Variants in THAP4 observed in about 807,000 individuals in gnomAD.
THAP4 encodes peroxynitrite isomerase THAP4.
THAP4 carries 18 observed loss-of-function variants against 48.1 expected under a neutral mutation model. That is an observed-to-expected ratio of 0.37 (90% CI 0.26 to 0.56). THAP4 has a LOEUF of 0.56. Ranked by LOEUF, THAP4 falls within the 20% of genes least tolerant of loss-of-function variation. The probability of loss-of-function intolerance (pLI) is 0.78; values close to 1 mark genes in which losing one functional copy is unlikely to be tolerated. For missense variants in THAP4, 656 were observed against 774.9 expected, an observed-to-expected ratio of 0.85 and a Z score of 1.82; for synonymous variants, 345 against 324.9, an observed-to-expected ratio of 1.06 and a Z score of -0.66.
At chr2:241,593,160 G>A (rs905859086) in intron 5 of THAP4, among the ~76,000 whole-genome samples, 6 of 152,058 alleles carry the variant, frequency 3.9e-5, no homozygotes, top group African/African-American at 1.2e-4. Flanking sequence ...TGGGAGAATC[G>A]CTTGAGCCCA....
At chr2:241,596,520 A>G (rs570056650) in intron 5 of THAP4, among the ~76,000 whole-genome samples, 730 of 13,346 alleles carry the variant, frequency 0.055, 94 homozygotes, top group South Asian at 0.11. Flanking sequence ...AAAAAAAAAA[A>G]AAAAGGCCGG....
chr2:241,623,096 A>G (rs1395529299), intron 2 of THAP4, among the ~76,000 whole-genome samples: 1 of 152,084 alleles, frequency 6.6e-6, no homozygotes, highest in East Asian at 1.9e-4. Flanking sequence ...CATGCCTGTA[A>G]TCCCAGCTAC....
At chr2:241,600,792 T>G (rs947124382) in intron 5 of THAP4, among the ~76,000 whole-genome samples, 11 of 150,790 alleles carry the variant, frequency 7.3e-5, no homozygotes, top group Admixed American at 2.0e-4. Context: ...GGACAACAAC[T>G]TCCTTAGCAA....
intron 2 of THAP4, among the ~76,000 whole-genome samples, chr2:241,628,784 C>G (rs1295605012): frequency 2.7e-5 from 4 of 146,316 alleles, no homozygotes; most frequent in Non-Finnish European, 6.0e-5. Context: ...AAAAAACACA[C>G]AAAAAATTAG....
At chr2:241,594,132 C>CT (rs1340492961) in intron 5 of THAP4, among the ~76,000 whole-genome samples, 1 of 152,198 alleles carries the variant, frequency 6.6e-6, no homozygotes, top group Non-Finnish European at 1.5e-5. Flanking sequence ...TGGATACACT[C>CT]TGGAAACCTT....
chr2:241,637,392 C>T (rs1454077078), upstream of THAP4: 3 of 1,424,270 alleles, frequency 2.1e-6, no homozygotes, highest in Admixed American at 2.2e-5. Context: ...GGGGACAGAG[C>T]TCGCCTCTGC....
chr2:241,621,374 A>G (rs1225698422), intron 2 of THAP4, among the ~76,000 whole-genome samples: 3 of 152,188 alleles, frequency 2.0e-5, no homozygotes, highest in Admixed American at 2.0e-4. Flanking sequence ...TAATAAAATC[A>G]GTACAATTAA....
At chr2:241,594,982 C>A (rs1361755257) in intron 5 of THAP4, among the ~76,000 whole-genome samples, 3 of 152,134 alleles carry the variant, frequency 2.0e-5, no homozygotes, top group Non-Finnish European at 2.9e-5. Context: ...CAGAATTGCA[C>A]ACTGTGAGCG....
chr2:241,636,107 G>A (rs1460654226), intron 1 of THAP4, among the ~76,000 whole-genome samples: 1 of 152,228 alleles, frequency 6.6e-6, no homozygotes, highest in Admixed American at 6.5e-5. Context: ...TGCGCTGGCT[G>A]ACTTGTGAAA....
chr2:241,605,523 C>A (rs533584505), intron 3 of THAP4, among the ~76,000 whole-genome samples: 1 of 152,168 alleles, frequency 6.6e-6, no homozygotes, highest in Non-Finnish European at 1.5e-5. Flanking sequence ...TCCCTAAAAG[C>A]AGGCAATTTC....
At chr2:241,607,181 A>T (rs973646757) in intron 2 of THAP4, among the ~76,000 whole-genome samples, 8 of 152,046 alleles carry the variant, frequency 5.3e-5, no homozygotes, top group Admixed American at 3.3e-4. Flanking sequence ...AGTGTGAAGG[A>T]TGACACCACA....
chr2:241,628,925 C>CAAAAA (rs34034619), intron 2 of THAP4, among the ~76,000 whole-genome samples: 4 of 64,350 alleles, frequency 6.2e-5, no homozygotes, highest in African/African-American at 1.2e-4. Context: ...GAGATTGTCT[C>CAAAAA]AAAAAAAAAA....
At chr2:241,613,432 A>G (rs924012021) in intron 2 of THAP4, among the ~76,000 whole-genome samples, 13 of 152,214 alleles carry the variant, frequency 8.5e-5, no homozygotes, top group African/African-American at 3.1e-4. Flanking sequence ...ACAGAGGCTT[A>G]CAAATGAAGT....
chr2:241,629,162 G>A (rs1177853457), intron 2 of THAP4, among the ~76,000 whole-genome samples: 2 of 152,034 alleles, frequency 1.3e-5, no homozygotes, highest in Non-Finnish European at 2.9e-5. Flanking sequence ...AGGGGCTCAC[G>A]TGTTTGTTTT....
intron 5 of THAP4, among the ~76,000 whole-genome samples, chr2:241,585,969 C>A (rs1368321706): frequency 6.8e-6 from 1 of 147,654 alleles, no homozygotes; most frequent in African/African-American, 2.5e-5. Flanking sequence ...AAAAAAGCAC[C>A]CTGAGGTTGG....
In THAP4 at chr2:241,584,568, G is replaced by C. The variant is rs530207023; in HGVS notation, c.*38C>G. The C allele has an allele frequency of 1.9e-6, 3 of 1,613,382 alleles. No homozygotes were observed. In the East Asian group the frequency reaches 6.7e-5, roughly 36 times the overall value. The stretch of plus-strand genomic sequence containing the variant: ...TGAGGAGCCGAACCGTTGAGGCACA[G>C]TAGCCAGGCCCTCCCGAGGGCTCCA... On this transcript the variant is annotated 3_prime_UTR_variant, in exon 6 of 6. Coordinates refer to ENST00000407315, the MANE Select transcript of THAP4 (RefSeq NM_015963.6).
In THAP4 at chr2:241,601,226, C is replaced by T. The variant is rs75879092; in HGVS notation, c.1614+670G>A. On this transcript the variant is annotated intron_variant, in intron 5 of 5. Transcript: ENST00000407315. The surrounding 1 kb of genome is among the most constrained non-coding windows in gnomAD (Gnocchi z 4.0). ...CTGAGAGGCGGTGGTTGCGATGAGC[C>T]GAGATCCCACCTTTGCATTCCAGCC... Among the ~76,000 whole-genome samples the T allele has an allele frequency of 0.15, 22,355 of 151,960 alleles. 1,884 individuals carry two copies. Among genetic ancestry groups the T allele is most frequent in the South Asian group, 0.37 (1,795 of 4,810 alleles).
intron 3 of THAP4, among the ~76,000 whole-genome samples, chr2:241,605,716 T>A (rs1470731328): frequency 8.8e-5 from 13 of 147,894 alleles, no homozygotes; most frequent in Admixed American, 8.7e-4. Context: ...GGTGACTAAT[T>A]TTTTTCTTTT....
intron 4 of THAP4, 126 bp downstream of exon 4, chr2:241,602,844 C>T: frequency 1.4e-6 from 1 of 734,948 alleles, no homozygotes. Flanking sequence ...CACTCAGGGC[C>T]ATCCCCACGG....
Sources: allele counts gnomAD v4.1 joint callset (sites outside exome capture counted in the v4.1 genomes callset), GRCh38; gene constraint gnomAD v4.1.1; non-coding constraint Gnocchi (gnomAD v3.1); transcripts MANE v1.5; gene names NCBI Gene and HGNC (gene_info 2026-07-23, HGNC 2026-07-21).